Variants in TAOK3 observed in about 807,000 individuals in gnomAD.
TAOK3 encodes serine/threonine-protein kinase TAO3.
Under a neutral mutation model 120.4 loss-of-function variants are expected in TAOK3, and 40 were observed. The observed-to-expected ratio is 0.33, with a 90% confidence interval of 0.26 to 0.43. The LOEUF (loss-of-function observed/expected upper bound fraction) is 0.43, where lower values mean the gene tolerates loss of function less well. TAOK3 is among the 20% of genes least tolerant of loss of function. The probability of loss-of-function intolerance (pLI) is 1.00; values close to 1 mark genes in which losing one functional copy is unlikely to be tolerated. For missense variants in TAOK3, 821 were observed against 1,112.1 expected (o/e 0.74, Z 3.72); for synonymous variants, 355 against 387.5 (o/e 0.92, Z 0.99).
At chr12:118,262,474 TC>T (rs748936108) in intron 2 of TAOK3, among the ~76,000 whole-genome samples, 4 of 151,792 alleles carry the variant, frequency 2.6e-5, no homozygotes, top group African/African-American at 4.8e-5. Flanking sequence ...AGGGCGAGAC[TC>T]CATCTCAAAG....
At chr12:118,154,265 T>G (rs1344372532) in intron 19 of TAOK3, among the ~76,000 whole-genome samples, 1 of 152,190 alleles carries the variant, frequency 6.6e-6, no homozygotes. Flanking sequence ...CTAAATATCT[T>G]TAAACATTTA....
intron 1 of TAOK3, among the ~76,000 whole-genome samples, chr12:118,283,306 C>G (rs1025920896): frequency 3.9e-5 from 6 of 152,150 alleles, no homozygotes; most frequent in Admixed American, 2.6e-4. Context: ...TACCTAGAAC[C>G]AGTGAATGTT....
chr12:118,266,056 C>T (rs1201715827), intron 2 of TAOK3, among the ~76,000 whole-genome samples: 1 of 151,926 alleles, frequency 6.6e-6, no homozygotes, highest in Non-Finnish European at 1.5e-5. Context: ...TATATATTTC[C>T]AGAAAATAAT....
intron 1 of TAOK3, among the ~76,000 whole-genome samples, chr12:118,296,289 G>A (rs459547): frequency 0.27 from 41,292 of 151,934 alleles, 5,666 homozygotes; most frequent in Middle Eastern, 0.38. Flanking sequence ...GCACCACCAC[G>A]CCCAGCTAAT....
At chr12:118,251,490 C>T (rs1239838235) in intron 3 of TAOK3, among the ~76,000 whole-genome samples, 8 of 152,134 alleles carry the variant, frequency 5.3e-5, no homozygotes, top group Non-Finnish European at 1.5e-5. Flanking sequence ...TTAATGATTA[C>T]GTTTATCAAT....
intron 8 of TAOK3, among the ~76,000 whole-genome samples, chr12:118,234,510 C>T (rs2039939346): frequency 1.3e-5 from 2 of 152,058 alleles, no homozygotes; most frequent in East Asian, 1.9e-4. Context: ...TTCCAAAGTG[C>T]TGGGATTACT....
chr12:118,156,208 T>A (rs770482307), intron 19 of TAOK3, among the ~76,000 whole-genome samples: 3 of 152,174 alleles, frequency 2.0e-5, no homozygotes, highest in African/African-American at 4.8e-5. Flanking sequence ...CTCATTCTGA[T>A]CCTAACCCTC....
chr12:118,234,668 G>A (rs962583672), intron 8 of TAOK3, among the ~76,000 whole-genome samples: 1 of 152,072 alleles, frequency 6.6e-6, no homozygotes, highest in Non-Finnish European at 1.5e-5. Context: ...TCAGCCTCCC[G>A]AGTAGCTGGG....
rs79611956 is a variant in TAOK3, at chr12:118,340,574, T to G, written c.-194+32074A>C. ...AACCTCATAGATGGTTATTAAATATTATTTTTTGGACTTTCTAATTATAGA... is the reference window on the plus strand; with the variant it reads ...AACCTCATAGATGGTTATTAAATATGATTTTTTGGACTTTCTAATTATAGA... On this transcript the variant is annotated intron_variant, in intron 1 of 20. Coordinates refer to ENST00000392533, the MANE Select transcript of TAOK3 (RefSeq NM_016281.4). 5.9e-5 allele frequency among the ~76,000 whole-genome samples: 9 copies of G among 152,302 alleles called. No homozygotes were observed. In the East Asian group the frequency reaches 1.7e-3, roughly 29 times the overall value.
chr12:118,225,622 T>C (rs1484405356), intron 9 of TAOK3, among the ~76,000 whole-genome samples: 2 of 152,192 alleles, frequency 1.3e-5, no homozygotes, highest in African/African-American at 2.4e-5. Context: ...TGAGATGTCA[T>C]TGACTGTAAG....
intron 1 of TAOK3, among the ~76,000 whole-genome samples, chr12:118,333,902 G>A (rs1158184516): frequency 2.0e-5 from 3 of 151,528 alleles, no homozygotes; most frequent in South Asian, 4.2e-4. Flanking sequence ...TTGGGAGGCC[G>A]AGGCGGGCAG....
intron 20 of TAOK3, 129 bp from the exon 21 acceptor site, chr12:118,151,287 G>GCACACACACACACA (rs767980079): frequency 2.1e-4 from 100 of 477,060 alleles, no homozygotes; most frequent in South Asian, 1.5e-3. Flanking sequence ...GTGCGCGCGC[G>GCACACACACACACA]CGCACACACA....
Position 118,259,414 on chromosome 12 carries a change from G to T in TAOK3, c.-88-3759C>A, listed in dbSNP as rs138642128. On this transcript the variant is annotated intron_variant, in intron 2 of 20. Transcript: ENST00000392533. ...AACTTAGCTGTGTATGGTGGTGTAC[G>T]CCTGTAGTCCCAGCTACTCAGGAGG... Among the ~76,000 whole-genome samples, 1,079 of 152,104 alleles carry T rather than the reference G, an allele frequency of 7.1e-3. 7 individuals are homozygous for T. The highest frequency in any genetic ancestry group is 0.017 in the Middle Eastern group (5 of 294).
At chr12:118,246,053 A>C (rs567255262) in intron 3 of TAOK3, 2 of 875,832 alleles carry the variant, frequency 2.3e-6, no homozygotes, top group East Asian at 5.5e-5. Flanking sequence ...AAAATTATAA[A>C]AGAATTGCTT....
chr12:118,154,633 A>G (rs961332831), intron 19 of TAOK3, among the ~76,000 whole-genome samples: 2 of 151,884 alleles, frequency 1.3e-5, no homozygotes, highest in East Asian at 1.9e-4. Context: ...TAGAGATGGC[A>G]TTTCACCATG....
At chr12:118,276,575 G>A (rs760724504) in intron 1 of TAOK3, among the ~76,000 whole-genome samples, 1 of 152,156 alleles carries the variant, frequency 6.6e-6, no homozygotes, top group Non-Finnish European at 1.5e-5. Context: ...GGTGGTGGGC[G>A]CCTGTAGTCC....
intron 1 of TAOK3, among the ~76,000 whole-genome samples, chr12:118,332,424 T>C (rs1002076614): frequency 6.6e-6 from 1 of 152,172 alleles, no homozygotes; most frequent in African/African-American, 2.4e-5. Flanking sequence ...TTCTCAGTCT[T>C]TTATTTTTTT....
At chr12:118,185,299 C>T (rs981284619) in intron 14 of TAOK3, among the ~76,000 whole-genome samples, 1 of 152,054 alleles carries the variant, frequency 6.6e-6, no homozygotes, top group Non-Finnish European at 1.5e-5. Flanking sequence ...TTATTTAATT[C>T]CAGCAAAATT....
At chr12:118,263,476 A>T (rs1313189526) in intron 2 of TAOK3, among the ~76,000 whole-genome samples, 1 of 152,242 alleles carries the variant, frequency 6.6e-6, no homozygotes, top group African/African-American at 2.4e-5. Flanking sequence ...CCATCAAAGG[A>T]AAAATTCATA....
Sources: gnomAD v4.1 joint callset for allele counts (sites outside exome capture counted in the v4.1 genomes callset) on GRCh38, gnomAD v4.1.1 for gene constraint, MANE v1.5 for transcripts, NCBI Gene and HGNC (gene_info 2026-07-23, HGNC 2026-07-21) for gene names.